Variants in ACYP2 observed in about 807,000 individuals in gnomAD.
ACYP2 encodes acylphosphatase-2.
A neutral mutation model predicts 11.2 loss-of-function variants in ACYP2; 12 were observed. The observed-to-expected ratio is 1.08, with a 90% CI of 0.69 to 1.74. The LOEUF (loss-of-function observed/expected upper bound fraction) is 1.74. Ranked by LOEUF, ACYP2 falls within the 40% of genes most tolerant of loss-of-function variation. The pLI, the probability that ACYP2 is intolerant of heterozygous loss-of-function variation, is 0.00. For missense variants in ACYP2, 134 were observed against 101.9 expected, an observed-to-expected ratio of 1.31 and a Z score of -1.35; for synonymous variants, 43 against 32.2, an observed-to-expected ratio of 1.33 and a Z score of -1.13.
intron 2 of ACYP2, among the ~76,000 whole-genome samples, chr2:54,010,669 A>C (rs1243952625): frequency 1.3e-5 from 2 of 151,694 alleles, no homozygotes; most frequent in African/African-American, 2.4e-5. Context: ...ATTAAATTTC[A>C]AAGGAAACTA....
chr2:54,176,885 G>C (rs1208397138), intron 6 of ACYP2, among the ~76,000 whole-genome samples: 2 of 152,166 alleles, frequency 1.3e-5, no homozygotes, highest in Non-Finnish European at 1.5e-5. Flanking sequence ...GCTCGATGTA[G>C]AAGTGGCCAA....
chr2:53,991,163 G>T (rs1390986860), intron 2 of ACYP2, among the ~76,000 whole-genome samples: 2 of 152,158 alleles, frequency 1.3e-5, no homozygotes, highest in African/African-American at 2.4e-5. Flanking sequence ...TATGCTGCTG[G>T]TCATCATCAG....
chr2:54,000,887 G>A (rs1222298172), intron 2 of ACYP2, among the ~76,000 whole-genome samples: 1 of 152,210 alleles, frequency 6.6e-6, no homozygotes, highest in Non-Finnish European at 1.5e-5. Context: ...TTCCCCTTCA[G>A]TGGTACATTT....
At chr2:53,980,133 A>G (rs969406357) in intron 2 of ACYP2, among the ~76,000 whole-genome samples, 10 of 152,040 alleles carry the variant, frequency 6.6e-5, no homozygotes, top group African/African-American at 2.4e-4. Context: ...ACTTGAGCCC[A>G]GGAATTCAAG....
intron 2 of ACYP2, among the ~76,000 whole-genome samples, chr2:53,980,454 A>G (rs1415670199): frequency 4.6e-5 from 7 of 152,042 alleles, no homozygotes; most frequent in Non-Finnish European, 7.4e-5. Flanking sequence ...GCTGTGGTTC[A>G]CACCTGTAAT....
chr2:54,011,582 C>T (rs72800705), intron 2 of ACYP2, among the ~76,000 whole-genome samples: 1 of 152,126 alleles, frequency 6.6e-6, no homozygotes. Context: ...TTTTGGGGAA[C>T]CTTTTTATTT....
At chr2:54,016,581 G>T (rs1673695397) in intron 2 of ACYP2, among the ~76,000 whole-genome samples, 1 of 152,126 alleles carries the variant, frequency 6.6e-6, no homozygotes, top group African/African-American at 2.4e-5. Flanking sequence ...TTCTAGAAAT[G>T]AAGGTTCTAA....
chr2:54,019,435 G>A (rs940040199), intron 2 of ACYP2, among the ~76,000 whole-genome samples: 1 of 151,366 alleles, frequency 6.6e-6, no homozygotes, highest in African/African-American at 2.4e-5. Context: ...GGAATGCAGT[G>A]GTGCAATCAT....
chr2:54,173,341 C>T (rs532600519), intron 6 of ACYP2, among the ~76,000 whole-genome samples: 1 of 152,190 alleles, frequency 6.6e-6, no homozygotes, highest in Non-Finnish European at 1.5e-5. Context: ...GCATAAATGT[C>T]TTCTTTTGAG....
intron 4 of ACYP2, chr2:54,085,007 G>A (rs1677872901): frequency 2.0e-5 from 3 of 152,210 alleles, no homozygotes; most frequent in East Asian, 1.9e-4. Context: ...GAATGTTTCC[G>A]GATGGAATAT....
intron 6 of ACYP2, among the ~76,000 whole-genome samples, chr2:54,167,379 C>A (rs1409224380): frequency 6.6e-6 from 1 of 152,174 alleles, no homozygotes; most frequent in Admixed American, 6.5e-5. Context: ...CATTTATAAT[C>A]ATATCTGAAA....
intron 2 of ACYP2, among the ~76,000 whole-genome samples, chr2:53,978,366 C>T (rs1671595972): frequency 6.6e-6 from 1 of 151,962 alleles, no homozygotes; most frequent in Non-Finnish European, 1.5e-5. Context: ...GAGTCCTCAT[C>T]AAATCATGCA....
chr2:54,058,552 T>C (rs988237191), intron 4 of ACYP2, among the ~76,000 whole-genome samples: 3 of 152,180 alleles, frequency 2.0e-5, no homozygotes, highest in Non-Finnish European at 4.4e-5. Context: ...ATGATGTCAG[T>C]GTTGGTCATT....
intron 6 of ACYP2, 146 bp downstream of exon 3, chr2:54,138,894 A>C: frequency 1.5e-6 from 1 of 666,008 alleles, no homozygotes; most frequent in Non-Finnish European, 2.6e-6. Flanking sequence ...CCAGGCTCAG[A>C]TCTCCCCGAC....
At chr2:54,218,203 T>A (rs1685637603) in intron 6 of ACYP2, among the ~76,000 whole-genome samples, 1 of 152,202 alleles carries the variant, frequency 6.6e-6, no homozygotes, top group African/African-American at 2.4e-5. Context: ...GTGTCTTTTT[T>A]ATACCACTTA....
At chr2:54,153,944 C>T (rs181749009) in intron 6 of ACYP2, among the ~76,000 whole-genome samples, 22 of 152,084 alleles carry the variant, frequency 1.4e-4, no homozygotes, top group Admixed American at 4.6e-4. Context: ...AATCCATGAA[C>T]GTGGAATATC....
intron 4 of ACYP2, among the ~76,000 whole-genome samples, chr2:54,118,875 A>G (rs1241073062): frequency 6.6e-6 from 1 of 152,088 alleles, no homozygotes; most frequent in Non-Finnish European, 1.5e-5. Context: ...TTCCCTGACA[A>G]TTTAGAATGT....
chr2:54,115,737 GGT>G, intron 4 of ACYP2: 1 of 1,613,076 alleles, frequency 6.2e-7, no homozygotes, highest in Non-Finnish European at 8.5e-7. Context: ...TGGACTACGA[GGT>G]GTTCGGAAGA....
intron 2 of ACYP2, among the ~76,000 whole-genome samples, chr2:53,982,828 C>CTGTGTGTGTGTGTGTGTGTGTG (rs3066946): frequency 6.4e-5 from 9 of 140,524 alleles, no homozygotes; most frequent in African/African-American, 2.2e-4. Flanking sequence ...TCACACAAGA[C>CTGTGTGTGTGTGTGTGTGTGTG]TGTGTGTGTG....
Sources: gnomAD v4.1 joint callset for allele counts (sites outside exome capture counted in the v4.1 genomes callset) on GRCh38, gnomAD v4.1.1 for gene constraint, MANE v1.5 for transcripts, NCBI Gene and HGNC (gene_info 2026-07-23, HGNC 2026-07-21) for gene names.